Variants in IDH3A observed in about 807,000 individuals in gnomAD.
IDH3A encodes isocitrate dehydrogenase (NAD(+)) 3 catalytic subunit alpha.
IDH3A carries 23 observed loss-of-function variants against 43.3 expected under a neutral mutation model. That is an observed-to-expected ratio of 0.53 (90% CI 0.38 to 0.75). The LOEUF is 0.75. Among genes scored for constraint, IDH3A ranks in the 30% least tolerant of loss-of-function variants. The probability of loss-of-function intolerance (pLI) is 0.00; values close to 1 mark genes in which losing one functional copy is unlikely to be tolerated. For missense variants in IDH3A, 329 were observed against 474.4 expected (o/e 0.69, Z 2.85); for synonymous variants, 154 against 163.5 (o/e 0.94, Z 0.44).
chr15:78,168,884 C>T (rs748334905), intron 10 of IDH3A, 38 bp from the exon 11 acceptor site: 50 of 1,354,212 alleles, frequency 3.7e-5, no homozygotes, highest in Admixed American at 5.2e-5. Flanking sequence ...GTTTAGTTTG[C>T]GGATACATCT....
chr15:78,158,906 C>T (rs1001232503), intron 3 of IDH3A, among the ~76,000 whole-genome samples: 4 of 152,112 alleles, frequency 2.6e-5, no homozygotes, highest in Admixed American at 6.5e-5. Context: ...GATCTTGGCT[C>T]ACTGCAACCT....
rs2141309144 is a variant in IDH3A, at chr15:78,169,498, T to A, written c.*493T>A. ...CACAAGAGAATTTTCCTGGGAAAGT[T>A]CACATCAAAAAGAGTGAATGTGGTA... is the stretch of plus-strand genomic sequence containing the variant. On this transcript the variant is annotated 3_prime_UTR_variant, in exon 11 of 11. Coordinates refer to ENST00000299518, the MANE Select transcript of IDH3A (RefSeq NM_005530.3). 2 of 152,346 alleles carry A rather than the reference T, an allele frequency of 1.3e-5. No individual in the cohort carries two copies. Among genetic ancestry groups the A allele is most frequent in the Middle Eastern group, 6.8e-3 (2 of 294 alleles). 9.4% of individuals were successfully genotyped at this position (152,346 alleles called of 1,614,324 possible).
chr15:78,161,799 T>G lies in IDH3A; in HGVS notation c.477+31T>G. On this transcript the variant is annotated intron_variant, in intron 5 of 10. Coordinates refer to ENST00000299518, the MANE Select transcript of IDH3A (RefSeq NM_005530.3). This position sits in a 1 kb window ranked among gnomAD's most constrained non-coding sequence, Gnocchi z 4.8. Reference sequence around the variant, plus strand: ...TTCACTCCAGATTCTTTTTTATTCCTGCTTGGACTGCTTTCTGTGCATCTG... The same window carrying G: ...TTCACTCCAGATTCTTTTTTATTCCGGCTTGGACTGCTTTCTGTGCATCTG... The G allele has an allele frequency of 6.4e-7, 1 of 1,570,450 alleles. No homozygotes were observed. Among genetic ancestry groups the G allele is most frequent in the Admixed American group, 1.7e-5 (1 of 59,614 alleles).
intron 9 of IDH3A, 120 bp downstream of exon 9, chr15:78,165,196 T>C: frequency 6.5e-5 from 24 of 368,768 alleles, no homozygotes; most frequent in South Asian, 1.6e-4. Flanking sequence ...AAAATGATGC[T>C]TTTTTTTTTT....
intron 1 of IDH3A, among the ~76,000 whole-genome samples, chr15:78,154,206 C>G (rs996914471): frequency 3.4e-5 from 5 of 146,532 alleles, no homozygotes; most frequent in Admixed American, 6.8e-5. Flanking sequence ...AAAAAAAACA[C>G]GTACCAGTGG....
At position 78,161,826 on chromosome 15, in the gene IDH3A, G is replaced by T; in HGVS notation, c.477+58G>T. 1 of 1,420,450 alleles carries T rather than the reference G, an allele frequency of 7.0e-7. No individual in the cohort carries two copies. Among genetic ancestry groups the T allele is most frequent in the South Asian group, 1.2e-5 (1 of 84,066 alleles). The allele number at this position is 1,420,450 out of a possible 1,614,324, so 88.0% of individuals were successfully genotyped here. ...CTTGGACTGCTTTCTGTGCATCTGG[G>T]ACCCCAGAGACAGATCTGCTTTATC... On this transcript the variant is annotated intron_variant, in intron 5 of 10. Coordinates refer to ENST00000299518, the MANE Select transcript of IDH3A (RefSeq NM_005530.3). This position sits in a 1 kb window ranked among gnomAD's most constrained non-coding sequence, Gnocchi z 4.8.
At position 78,163,546 on chromosome 15, in the gene IDH3A, A is replaced by C. The variant is rs145536563; in HGVS notation, c.651A>C (p.Glu217Asp). 877 of 1,613,256 alleles carry C rather than the reference A, an allele frequency of 5.4e-4. No homozygotes were observed. Among genetic ancestry groups the C allele is most frequent in the Non-Finnish European group, 7.2e-4 (845 of 1,179,342 alleles). ...GGCTTTTTCTACAAAAATGCAGGGA[A>C]GTTGCAGAAAGCTGTAAAGATATTA... ...SDGLFLQKCR[E>D]VAESCKDIKF... The change falls in exon 7 of 11, where the codon GAA becomes GAC. Residue 217 changes from glutamate (E) to aspartate (D), a missense_variant. Around this residue, in one of 3 missense-constraint regions of IDH3A, gnomAD observed 212 missense variants for 345.5 expected, o/e 0.61. Transcript: ENST00000299518.
chr15:78,152,984 T>A (rs1199137784), intron 1 of IDH3A, among the ~76,000 whole-genome samples: 1 of 152,150 alleles, frequency 6.6e-6, no homozygotes, highest in Non-Finnish European at 1.5e-5. Context: ...AGACACTAGA[T>A]ACAACAGTGA....
intron 1 of IDH3A, chr15:78,150,859 G>A (rs1241688486): frequency 6.6e-6 from 1 of 152,154 alleles, no homozygotes; most frequent in African/African-American, 2.4e-5. Flanking sequence ...TAACTCTTAT[G>A]TCACATTTGC....
In IDH3A at chr15:78,159,867, C is replaced by T. The variant is rs561544071; in HGVS notation, c.175-225C>T. On this transcript the variant is annotated intron_variant, in intron 3 of 10. Transcript: ENST00000299518. ...AAAATTAGCTGGGTGTGGTGGTGGG[C>T]GCCTGTAATCCCAGCTACTCAGGAG... is the stretch of plus-strand genomic sequence containing the variant. 148 of 432,000 alleles carry T rather than the reference C, an allele frequency of 3.4e-4. 1 individual carries two copies. Among genetic ancestry groups the T allele is most frequent in the Admixed American group, 1.4e-3 (40 of 29,036 alleles). The allele number at this position is 432,000 out of a possible 1,614,324, so 26.8% of individuals were successfully genotyped here. A position where few individuals can be genotyped will look rare whatever the true frequency, so the allele number is the denominator to read the frequency against.
At chr15:78,151,339 GC>G (rs2074572927) in intron 1 of IDH3A, 1 of 152,236 alleles carries the variant, frequency 6.6e-6, no homozygotes, top group South Asian at 2.1e-4. Flanking sequence ...ACTTTGGGAG[GC>G]CAAAGTGGGC....
chr15:78,171,390 G>C lies in IDH3A; in HGVS notation c.*2385G>C. On this transcript the variant is annotated 3_prime_UTR_variant, in exon 11 of 11. Coordinates refer to ENST00000299518, the MANE Select transcript of IDH3A (RefSeq NM_005530.3). ...ACTGAAGAGACCTGGGGCTCAGGAA[G>C]AGGCTCGGAACGCCTGCCCTCTATT... The C allele has an allele frequency of 6.7e-7, 1 of 1,486,378 alleles. No individual in the cohort carries two copies. The highest frequency in any genetic ancestry group is 9.3e-7 in the Non-Finnish European group (1 of 1,069,690). 92.1% of individuals were successfully genotyped at this position (1,486,378 alleles called of 1,614,324 possible).
At chr15:78,155,101 G>A (rs2074613144) in intron 1 of IDH3A, 112 bp from the exon 2 acceptor site, 1 of 692,530 alleles carries the variant, frequency 1.4e-6, no homozygotes, top group Admixed American at 2.4e-5. Flanking sequence ...GGAAGCTACT[G>A]AATATATCTG....
intron 9 of IDH3A, 140 bp from the exon 10 acceptor site, chr15:78,166,010 A>G (rs1033320306): frequency 1.6e-5 from 12 of 763,478 alleles, no homozygotes; most frequent in Admixed American, 5.0e-5. Flanking sequence ...TCTTCAGTCC[A>G]TATCAGATGA....
At chr15:78,150,379 T>TG (rs1283624548) in intron 1 of IDH3A, among the ~76,000 whole-genome samples, 1 of 152,236 alleles carries the variant, frequency 6.6e-6, no homozygotes. Flanking sequence ...AGTCTCCTGT[T>TG]GCTATGAAAG....
chr15:78,166,834 G>A (rs2074749226), intron 10 of IDH3A, among the ~76,000 whole-genome samples: 1 of 151,992 alleles, frequency 6.6e-6, no homozygotes, highest in Non-Finnish European at 1.5e-5. Context: ...GTTTCACCAT[G>A]CTGGCCAGGT....
intron 1 of IDH3A, among the ~76,000 whole-genome samples, chr15:78,149,699 C>G (rs1481518418): frequency 2.6e-5 from 4 of 152,204 alleles, no homozygotes; most frequent in Non-Finnish European, 5.9e-5. Context: ...CTGCTCCTGC[C>G]GAGACCCGGC....
Position 78,169,224 on chromosome 15 carries a change from T to G in IDH3A, c.*219T>G. ...CCAAGTGCTTGTTTTATTTATTAAG[T>G]GTCTACCTGGTAAATGTTTTTTTTG... is the stretch of plus-strand genomic sequence containing the variant. On this transcript the variant is annotated 3_prime_UTR_variant, in exon 11 of 11. Transcript: ENST00000299518. 1 of 361,858 alleles carries G rather than the reference T, an allele frequency of 2.8e-6. No individual in the cohort carries two copies. The highest frequency in any genetic ancestry group is 9.7e-5 in the South Asian group (1 of 10,270). The allele number at this position is 361,858 out of a possible 1,614,324, so 22.4% of individuals were successfully genotyped here. A position where few individuals can be genotyped will look rare whatever the true frequency, so the allele number is the denominator to read the frequency against.
At chr15:78,156,889 C>G (rs1330890742) in intron 2 of IDH3A, 2 of 1,350,020 alleles carry the variant, frequency 1.5e-6, no homozygotes, top group East Asian at 4.5e-5. Context: ...ATGACATATA[C>G]TATTCTTTTT....
Sources: gnomAD v4.1 joint callset for allele counts (sites outside exome capture counted in the v4.1 genomes callset) on GRCh38, gnomAD v4.1.1 for gene constraint, gnomAD v4.1.1 regional missense constraint, Gnocchi (gnomAD v3.1) non-coding constraint, MANE v1.5 for transcripts, NCBI Gene and HGNC (gene_info 2026-07-23, HGNC 2026-07-21) for gene names.